Variants in TNKS observed in about 807,000 individuals in gnomAD.
The protein encoded by TNKS is poly [ADP-ribose] polymerase tankyrase-1.
A neutral mutation model predicts 135.8 loss-of-function variants in TNKS; 72 were observed. That is an observed-to-expected ratio of 0.53 (90% confidence interval 0.44 to 0.64). The LOEUF is 0.64. Among genes scored for constraint, TNKS ranks in the 30% least tolerant of loss-of-function variants. The pLI is 0.00. For missense variants in TNKS, 1,769 were observed against 1,674.0 expected, an observed-to-expected ratio of 1.06 and a Z score of -0.99; for synonymous variants, 849 against 649.3, an observed-to-expected ratio of 1.31 and a Z score of -4.68.
In TNKS at chr8:9,572,507, T is replaced by C. The variant is rs181586925; in HGVS notation, c.674-7652T>C. 1.2e-3 allele frequency among the ~76,000 whole-genome samples: 189 copies of C among 152,352 alleles called. 2 individuals are homozygous for C. Among genetic ancestry groups the C allele is most frequent in the African/African-American group, 4.3e-3 (177 of 41,578 alleles). On this transcript the variant is annotated intron_variant, in intron 1 of 26. Transcript: ENST00000310430. ...CCTCTATCTCTCTTACGTTTTCTCT[T>C]ATTCTCTTCTGTTTCATGTCACTAG...
In TNKS at chr8:9,583,116, G is replaced by GTT. The variant is rs1171771346; in HGVS notation, c.898+2733_898+2734insTT. On this transcript the variant is annotated intron_variant, in intron 2 of 26. Coordinates refer to ENST00000310430, the MANE Select transcript of TNKS (RefSeq NM_003747.3). ...CGGGAGGCGGAGCTTGATGAGCTGA[G>GTT]ATTGCACCACTGCACTCCAGCCTGG... Among the ~76,000 whole-genome samples the GTT allele has an allele frequency of 2.8e-5, 4 of 144,046 alleles. No individual in the cohort carries two copies. The Admixed American group carries it at 2.8e-4, about 10-fold the overall frequency. The allele number at this position is 144,046 out of a possible 152,430, so 94.5% of individuals were successfully genotyped here. A position where few individuals can be genotyped will look rare whatever the true frequency, so the allele number is the denominator to read the frequency against.
intron 19 of TNKS, 81 bp from the exon 20 acceptor site, chr8:9,752,463 A>AGTCAT (rs1339943988): frequency 4.1e-6 from 4 of 963,906 alleles, no homozygotes; most frequent in Non-Finnish European, 6.4e-6. Flanking sequence ...AGGTTGTCAG[A>AGTCAT]GTCATGTCTA....
At chr8:9,772,831 C>CTGTGTGTGTGTGTGTGTG (rs71201974) in intron 26 of TNKS, among the ~76,000 whole-genome samples, 1 of 119,034 alleles carries the variant, frequency 8.4e-6, no homozygotes. Context: ...GTGTGTGTGT[C>CTGTGTGTGTGTGTGTGTG]TGTGTGTGTG....
chr8:9,700,496 G>A (rs1041182904), intron 5 of TNKS, among the ~76,000 whole-genome samples: 3 of 152,112 alleles, frequency 2.0e-5, no homozygotes, highest in Non-Finnish European at 1.5e-5. Context: ...AGTGCCATAC[G>A]TGTAAGTCTC....
At chr8:9,728,284 A>G (rs1296607856) in intron 13 of TNKS, among the ~76,000 whole-genome samples, 1 of 152,210 alleles carries the variant, frequency 6.6e-6, no homozygotes, top group Non-Finnish European at 1.5e-5. Flanking sequence ...AAAGTAGTAG[A>G]ACTGAGGTTT....
chr8:9,741,807 C>T (rs751104771), intron 17 of TNKS: 2 of 464,534 alleles, frequency 4.3e-6, no homozygotes, highest in South Asian at 1.6e-5. Context: ...GGCTGACTTG[C>T]TGTCACCTGA....
intron 20 of TNKS, among the ~76,000 whole-genome samples, chr8:9,759,362 A>G (rs1392035443): frequency 1.3e-5 from 2 of 152,232 alleles, no homozygotes; most frequent in African/African-American, 4.8e-5. Context: ...GTTAGAAGTG[A>G]GTTCATAAGT....
intron 15 of TNKS, 26 bp downstream of exon 15, chr8:9,733,470 T>C (rs201530781): frequency 1.2e-5 from 19 of 1,572,980 alleles, no homozygotes; most frequent in Non-Finnish European, 1.6e-5. Flanking sequence ...AGTTATGAAA[T>C]ATAACTAATT....
At chr8:9,749,637 G>T (rs1806414075) in intron 18 of TNKS, among the ~76,000 whole-genome samples, 1 of 151,882 alleles carries the variant, frequency 6.6e-6, no homozygotes, top group Non-Finnish European at 1.5e-5. Context: ...ACTATGCCTG[G>T]CTATTTTTTT....
At chr8:9,647,048 A>G (rs76074217) in intron 3 of TNKS, among the ~76,000 whole-genome samples, 2,122 of 152,328 alleles carry the variant, frequency 0.014, 148 homozygotes, top group Admixed American at 0.12. Flanking sequence ...TTTCTAGCCA[A>G]TATCATAGGA....
intron 5 of TNKS, among the ~76,000 whole-genome samples, chr8:9,682,395 T>G (rs959947390): frequency 6.6e-6 from 1 of 151,932 alleles, no homozygotes; most frequent in African/African-American, 2.4e-5. Context: ...TTAAGGAACA[T>G]GATCCCTGAT....
Position 9,730,927 on chromosome 8 carries a change from T to G in TNKS, c.2039T>G (p.Leu680Ter), listed in dbSNP as rs1342047268. Residue 680 changes from leucine (L) to a stop codon, truncating the protein, a stop_gained, in exon 14 of 27, where the codon TTA (leucine) becomes TGA (stop). Transcript: ENST00000310430. LOFTEE classifies it high-confidence loss of function. Reference sequence around the variant, plus strand: ...TCTCAAAATGTGAATTGTAGAGACTTAGAGGGCCGGCATTCCACGCCCTTA... The same window carrying G: ...TCTCAAAATGTGAATTGTAGAGACTGAGAGGGCCGGCATTCCACGCCCTTA... ...CSSQNVNCRDLEGRHSTPLHF... is the reference protein window; with the variant it reads ...CSSQNVNCRD The G allele has an allele frequency of 6.2e-7, 1 of 1,614,014 alleles. No individual in the cohort carries two copies. The highest frequency in any genetic ancestry group is 1.1e-5 in the South Asian group (1 of 91,040).
intron 1 of TNKS, among the ~76,000 whole-genome samples, chr8:9,567,630 G>C (rs965946289): frequency 4.6e-5 from 7 of 152,174 alleles, no homozygotes; most frequent in Admixed American, 6.5e-5. Flanking sequence ...TGTTAGCGAG[G>C]ATGGTCTCGT....
chr8:9,638,609 T>C (rs935248555), intron 3 of TNKS, among the ~76,000 whole-genome samples: 1 of 152,246 alleles, frequency 6.6e-6, no homozygotes, highest in African/African-American at 2.4e-5. Context: ...AAGTTTATTT[T>C]GCTTTAAATA....
chr8:9,591,656 T>C (rs1030979489), intron 2 of TNKS, among the ~76,000 whole-genome samples: 9 of 152,206 alleles, frequency 5.9e-5, no homozygotes, highest in African/African-American at 1.9e-4. Context: ...GCTGTAACAA[T>C]GGGTCTTAGT....
At position 9,706,183 on chromosome 8, in the gene TNKS, T is replaced by C. The variant is rs766249611; in HGVS notation, c.1203-4T>C. 4.5e-6 allele frequency: 7 copies of C among 1,563,774 alleles called. No individual in the cohort carries two copies. Among genetic ancestry groups the C allele is most frequent in the Non-Finnish European group, 5.2e-6 (6 of 1,160,952 alleles). ...AGTATTTTAATTTGCCTCTTTTCAT[T>C]TAGTGGACTTGTGCCTCTTCATAAT... On this transcript the variant is annotated splice_polypyrimidine_tract_variant and splice_region_variant and intron_variant, in intron 6 of 26. Transcript: ENST00000310430.
Position 9,676,730 on chromosome 8 carries a change from C to G in TNKS, c.995-3221C>G, listed in dbSNP as rs931611452. ...TGTGTGTTTGTGTGTGTGTATGTAT[C>G]TTTGCTTCTTTCATATCATTACTAT... On this transcript the variant is annotated intron_variant, in intron 3 of 26. Coordinates refer to ENST00000310430, the MANE Select transcript of TNKS (RefSeq NM_003747.3). Among the ~76,000 whole-genome samples, 7 of 142,090 alleles carry G rather than the reference C, an allele frequency of 4.9e-5. 1 individual carries two copies. 93.2% of individuals were successfully genotyped at this position (142,090 alleles called of 152,430 possible).
At chr8:9,659,055 C>G (rs564955335) in intron 3 of TNKS, among the ~76,000 whole-genome samples, 1 of 152,322 alleles carries the variant, frequency 6.6e-6, no homozygotes, top group Non-Finnish European at 1.5e-5. Context: ...TATATATGCA[C>G]TCAATACAGG....
Position 9,718,082 on chromosome 8 carries a change from G to T in TNKS, c.1750-2292G>T, listed in dbSNP as rs1352164442. ...CAATGAAAAGCAAGATCTTTGTATT[G>T]TCAATTGGAGAGTTTAAACTTTGTT... On this transcript the variant is annotated intron_variant, in intron 11 of 26. Transcript: ENST00000310430. Among the ~76,000 whole-genome samples the T allele has an allele frequency of 2.6e-5, 4 of 152,112 alleles. No homozygotes were observed. The East Asian group carries it at 7.7e-4, about 29-fold the overall frequency.
Sources: allele counts gnomAD v4.1 joint callset (sites outside exome capture counted in the v4.1 genomes callset), GRCh38; gene constraint gnomAD v4.1.1; transcripts MANE v1.5; gene names NCBI Gene and HGNC (gene_info 2026-07-23, HGNC 2026-07-21).